The following HBP1 variants were observed in gnomAD, a reference collection of about 807,000 sequenced individuals.
The protein encoded by HBP1 is HMG-box transcription factor 1.
A neutral mutation model predicts 62.6 loss-of-function variants in HBP1; 20 were observed. That is an observed-to-expected ratio of 0.32 (90% CI 0.22 to 0.46). The LOEUF is 0.46. Ranked by LOEUF, HBP1 falls within the 20% of genes least tolerant of loss-of-function variation. The probability of loss-of-function intolerance (pLI) is 1.00; values close to 1 mark genes in which losing one functional copy is unlikely to be tolerated. For synonymous variants in HBP1, 232 were observed against 206.2 expected (o/e 1.12, Z -1.07); for missense variants, 480 against 611.8 (o/e 0.78, Z 2.27).
At chr7:107,199,111 A>C (rs1458763127) in intron 9 of HBP1, among the ~76,000 whole-genome samples, 1 of 152,150 alleles carries the variant, frequency 6.6e-6, no homozygotes, top group African/African-American at 2.4e-5. Flanking sequence ...TTTGAGACAG[A>C]GTCTCATTCT....
chr7:107,183,049 T>C (rs1401253374), intron 3 of HBP1, among the ~76,000 whole-genome samples: 2 of 152,228 alleles, frequency 1.3e-5, no homozygotes, highest in Non-Finnish European at 2.9e-5. Flanking sequence ...AATTTGCTAA[T>C]ATTAAAATCT....
intron 8 of HBP1, among the ~76,000 whole-genome samples, chr7:107,194,736 G>T (rs1797809275): frequency 6.6e-6 from 1 of 152,168 alleles, no homozygotes; most frequent in South Asian, 2.1e-4. Flanking sequence ...GAAGGAAGTA[G>T]GAGCTAGGTT....
chr7:107,173,534 A>C (rs758609130), intron 1 of HBP1: 3 of 152,232 alleles, frequency 2.0e-5, no homozygotes, highest in Non-Finnish European at 4.4e-5. Flanking sequence ...TACTTTATTC[A>C]CAGAGTTGTT....
chr7:107,169,200 A>C lies in HBP1; in HGVS notation c.-16+15A>C, dbSNP rs1368144008. 32 of 175,934 alleles carry C rather than the reference A, an allele frequency of 1.8e-4. No individual in the cohort carries two copies. Among genetic ancestry groups the C allele is most frequent in the Admixed American group, 2.9e-4 (2 of 6,930 alleles). The allele number at this position is 175,934 out of a possible 1,614,324, so 10.9% of individuals were successfully genotyped here. A position where few individuals can be genotyped will look rare whatever the true frequency, so the allele number is the denominator to read the frequency against. ...CTTCGCGGCAGGTTTGTTGTCTTTC[A>C]GTTAGGGAAGAGGTGGGGGTGGGGA... On this transcript the variant is annotated intron_variant, in intron 1 of 10. Coordinates refer to ENST00000222574, the MANE Select transcript of HBP1 (RefSeq NM_012257.4).
In HBP1 at chr7:107,200,317, T is replaced by C. The variant is rs773893833; in HGVS notation, c.1527+16T>C. On this transcript the variant is annotated intron_variant, in intron 10 of 10. Transcript: ENST00000222574. The stretch of plus-strand genomic sequence containing the variant: ...AACCAATTCAGTATGTTTCAATAAA[T>C]AGTGTTTAAAATTATCTTGCCTTAT... The C allele has an allele frequency of 8.1e-6, 13 of 1,605,318 alleles. No homozygotes were observed. The Admixed American group carries it at 1.0e-4, about 13-fold the overall frequency.
chr7:107,193,035 C>T (rs576075536), intron 8 of HBP1: 8 of 152,242 alleles, frequency 5.3e-5, no homozygotes, highest in Admixed American at 5.2e-4. Context: ...TAGTTTCTAG[C>T]TCAGGAAGAA....
intron 7 of HBP1, 145 bp downstream of exon 7, chr7:107,189,593 TATA>T (rs1373306433): frequency 1.6e-6 from 1 of 613,790 alleles, no homozygotes; most frequent in Non-Finnish European, 2.8e-6. Flanking sequence ...AGGGAATGCT[TATA>T]ATAATACCTA....
At chr7:107,174,056 A>G (rs1035034964) in intron 1 of HBP1, among the ~76,000 whole-genome samples, 1 of 152,342 alleles carries the variant, frequency 6.6e-6, no homozygotes, top group South Asian at 2.1e-4. Flanking sequence ...TCTTCAGAAT[A>G]GTTGAGAATA....
intron 1 of HBP1, among the ~76,000 whole-genome samples, chr7:107,173,944 T>A (rs1355312907): frequency 6.6e-6 from 1 of 152,230 alleles, no homozygotes; most frequent in Non-Finnish European, 1.5e-5. Flanking sequence ...GAGGAGCTTG[T>A]TTATCAAAAT....
Position 107,172,910 on chromosome 7 carries a change from T to TA in HBP1, c.-16+3733dup, listed in dbSNP as rs571135200. ...CCTGGCCACTAGTCTTATTTACAAA[T>TA]AAAAAAAACAGGTCCAAATAAGAAA... On this transcript the variant is annotated intron_variant, in intron 1 of 10. Coordinates refer to ENST00000222574, the MANE Select transcript of HBP1 (RefSeq NM_012257.4). 2.2e-3 allele frequency among the ~76,000 whole-genome samples: 334 copies of TA among 151,808 alleles called. 2 individuals are homozygous for TA. The highest frequency in any genetic ancestry group is 3.6e-3 in the Admixed American group (55 of 15,250).
In HBP1 at chr7:107,187,034, C is replaced by T. The variant is rs560163453; in HGVS notation, c.765+353C>T. ...TTGGGAGGCTGAGGCGGGTGGATCACGAGGTCAGGAGATCGCGACCATCCT... is the reference window on the plus strand; with the variant it reads ...TTGGGAGGCTGAGGCGGGTGGATCATGAGGTCAGGAGATCGCGACCATCCT... On this transcript the variant is annotated intron_variant, in intron 6 of 10. Transcript: ENST00000222574. Among the ~76,000 whole-genome samples the T allele has an allele frequency of 2.0e-3, 310 of 152,134 alleles. 2 individuals are homozygous for T. Among genetic ancestry groups the T allele is most frequent in the African/African-American group, 7.0e-3 (289 of 41,518 alleles).
chr7:107,186,378 A>G lies in HBP1; in HGVS notation c.558A>G (p.Glu186=). 10 of 1,607,186 alleles carry G rather than the reference A, an allele frequency of 6.2e-6. No homozygotes were observed. Among genetic ancestry groups the G allele is most frequent in the Non-Finnish European group, 8.5e-6 (10 of 1,174,542 alleles). The change falls in exon 5 of 11, where the codon GAA becomes GAG. Residue 186 remains glutamate (E), a synonymous_variant. Coordinates refer to ENST00000222574, the MANE Select transcript of HBP1 (RefSeq NM_012257.4). ...VRHERANSES[E]SGIFCMSSLS... is the part of the protein sequence containing the mutation. ...CTCCATAGGCAAATAGTGAGTCAGA[A>G]TCTGGCATTTTCTGCATGTCCTCCC...
At chr7:107,171,070 TA>T (rs1422212083) in intron 1 of HBP1, among the ~76,000 whole-genome samples, 3,641 of 53,972 alleles carry the variant, frequency 0.067, 333 homozygotes, top group Non-Finnish European at 0.088. Flanking sequence ...TATATATATA[TA>T]TATTTTTTTT....
At chr7:107,178,028 A>G (rs962166321) in intron 1 of HBP1, among the ~76,000 whole-genome samples, 15 of 152,320 alleles carry the variant, frequency 9.8e-5, no homozygotes, top group Non-Finnish European at 2.1e-4. Context: ...TAAGTGATTA[A>G]CATTTTTTCA....
At chr7:107,178,592 A>T (rs887598643) in intron 1 of HBP1, among the ~76,000 whole-genome samples, 2 of 152,180 alleles carry the variant, frequency 1.3e-5, no homozygotes, top group South Asian at 4.1e-4. Flanking sequence ...TCATCTTTCT[A>T]TACATAATAT....
At chr7:107,188,928 T>C (rs983672416) in intron 6 of HBP1, among the ~76,000 whole-genome samples, 8 of 152,204 alleles carry the variant, frequency 5.3e-5, no homozygotes, top group Admixed American at 3.9e-4. Flanking sequence ...TAGCAAATAC[T>C]CAGCACTCCC....
intron 6 of HBP1, among the ~76,000 whole-genome samples, chr7:107,187,543 A>G (rs893673579): frequency 7.2e-5 from 11 of 152,034 alleles, no homozygotes; most frequent in African/African-American, 2.4e-4. Flanking sequence ...TGCTTGTACA[A>G]ATTCTTGTTT....
chr7:107,172,760 T>C (rs771009171), intron 1 of HBP1, among the ~76,000 whole-genome samples: 81 of 152,136 alleles, frequency 5.3e-4, no homozygotes, highest in Non-Finnish European at 1.9e-4. Context: ...TTTTTACTTA[T>C]TTTTAAAAAT....
Position 107,190,107 on chromosome 7 carries a change from T to C in HBP1, c.923-66T>C, listed in dbSNP as rs1011779529. On this transcript the variant is annotated intron_variant, in intron 7 of 10. Transcript: ENST00000222574. The stretch of plus-strand genomic sequence containing the variant: ...TTATTTTTAAGATATAGAAATGATA[T>C]GTCTGTTCTAAAGTAGGGTGCTTTC... The C allele has an allele frequency of 1.7e-5, 19 of 1,135,516 alleles. No individual in the cohort carries two copies. The Admixed American group carries it at 2.0e-4, about 12-fold the overall frequency. 70.3% of individuals were successfully genotyped at this position (1,135,516 alleles called of 1,614,324 possible). A position where few individuals can be genotyped will look rare whatever the true frequency, so the allele number is the denominator to read the frequency against.
Sources: allele counts gnomAD v4.1 joint callset (sites outside exome capture counted in the v4.1 genomes callset), GRCh38; gene constraint gnomAD v4.1.1; transcripts MANE v1.5; gene names NCBI Gene and HGNC (gene_info 2026-07-23, HGNC 2026-07-21).